The following ANKK1 variants were observed in gnomAD, a reference collection of about 807,000 sequenced individuals.
ANKK1 encodes ankyrin repeat and kinase domain containing 1.
In ANKK1, 37 loss-of-function variants were observed where a neutral mutation model predicts 37.6. That is an observed-to-expected ratio of 0.98 (90% confidence interval 0.76 to 1.29). ANKK1 has a LOEUF of 1.29. Among genes scored for constraint, ANKK1 ranks in the 50% most tolerant of loss-of-function variants. The probability of loss-of-function intolerance (pLI) is 0.00; values close to 1 mark genes in which losing one functional copy is unlikely to be tolerated. For missense variants in ANKK1, 1,019 were observed against 990.6 expected (o/e 1.03, Z -0.39); for synonymous variants, 415 against 418.7 (o/e 0.99, Z 0.11).
chr11:113,390,037 T>C (rs1186571314), intron 1 of ANKK1, among the ~76,000 whole-genome samples: 1 of 152,100 alleles, frequency 6.6e-6, no homozygotes, highest in Non-Finnish European at 1.5e-5. Flanking sequence ...CAAGCCATAT[T>C]TAGAAGGTAA....
rs758081480 is a variant in ANKK1 at position 113,393,823 on chromosome 11, T to C, written c.480+48T>C. 1.4e-5 allele frequency: 22 copies of C among 1,537,122 alleles called. No individual in the cohort carries two copies. In the Admixed American group the frequency reaches 3.9e-4, roughly 27 times the overall value. Reference sequence around the variant, plus strand: ...CGCTCCCTTTCACTTGAGGGTTGCCTCCAGGTGAGCAGAATTATCCACCTG... The same window carrying C: ...CGCTCCCTTTCACTTGAGGGTTGCCCCCAGGTGAGCAGAATTATCCACCTG... On this transcript the variant is annotated intron_variant, in intron 2 of 7. Transcript: ENST00000303941.
Position 113,399,884 on chromosome 11 carries a change from G to C in ANKK1, c.1915G>C (p.Glu639Gln). 1 of 1,613,356 alleles carries C rather than the reference G, an allele frequency of 6.2e-7. No homozygotes were observed. ...PLHLAARHGE[E>Q]AVVSALLQCG... is the part of the protein sequence containing the mutation. ...GCACCTAGCTGCACGCCACGGGGAG[G>C]AGGCGGTGGTGTCAGCACTGCTGCA... Residue 639 changes from glutamate to glutamine, a missense_variant, in exon 8 of 8, where the codon GAG becomes CAG. Physicochemically the swap from Glu to Gln is conservative, Grantham distance 29. Transcript: ENST00000303941.
In ANKK1 at chr11:113,393,789, C is replaced by G. The variant is rs11214596; in HGVS notation, c.480+14C>G. The G allele has an allele frequency of 0.48, 760,046 of 1,584,450 alleles. 196,418 individuals are homozygous for G. Among genetic ancestry groups the G allele is most frequent in the Non-Finnish European group, 0.54 (628,851 of 1,168,208 alleles). On this transcript the variant is annotated intron_variant, in intron 2 of 7. Coordinates refer to ENST00000303941, the MANE Select transcript of ANKK1 (RefSeq NM_178510.2). ...ATGCATGTCAAAGTAAGGGCTCTGG[C>G]CAATCCTCCGCTCCCTTTCACTTGA...
chr11:113,398,052 C>A, intron 7 of ANKK1, 36 bp downstream of exon 7: 1 of 1,559,448 alleles, frequency 6.4e-7, no homozygotes, highest in East Asian at 2.4e-5. Context: ...CCAGAGAACT[C>A]ACAGCAGAGA....
At chr11:113,394,620 C>T (rs1459963440) in intron 2 of ANKK1, 2 of 507,998 alleles carry the variant, frequency 3.9e-6, no homozygotes, top group Admixed American at 2.3e-5. Flanking sequence ...ACACCTACCA[C>T]ATCCTAACTA....
At chr11:113,398,888 G>A (rs1950661295) in intron 7 of ANKK1, 76 bp from the exon 8 acceptor site, 3 of 1,334,994 alleles carry the variant, frequency 2.2e-6, no homozygotes, top group Middle Eastern at 2.6e-4. Context: ...GTACTTCCAG[G>A]AGGCAGGGGG....
Position 113,400,385 on chromosome 11 carries a change from T to C in ANKK1, c.*118T>C. 1 of 1,070,428 alleles carries C rather than the reference T, an allele frequency of 9.3e-7. No homozygotes were observed. Among genetic ancestry groups the C allele is most frequent in the Non-Finnish European group, 1.3e-6 (1 of 767,394 alleles). The allele number at this position is 1,070,428 out of a possible 1,614,324, so 66.3% of individuals were successfully genotyped here. A position where few individuals can be genotyped will look rare whatever the true frequency, so the allele number is the denominator to read the frequency against. On this transcript the variant is annotated 3_prime_UTR_variant, in exon 8 of 8. Transcript: ENST00000303941. The stretch of plus-strand genomic sequence containing the variant: ...CAGCCTGGCCAACATGGCAAAACCC[T>C]GTCTCTGCTAAAAATACAAAATTTA...
intron 2 of ANKK1, 185 bp from the exon 3 acceptor site, chr11:113,394,744 T>C: frequency 1.3e-6 from 1 of 778,416 alleles, no homozygotes; most frequent in Non-Finnish European, 2.2e-6. Context: ...AAACTGAGGC[T>C]CTGAGAAGAT....
Position 113,399,262 on chromosome 11 carries a change from A to G in ANKK1, c.1293A>G (p.Pro431=). ...ANRVDEDGWA[P]LHFAAQNGDD... is the part of the protein sequence containing the mutation. ...GAGTGGATGAGGATGGCTGGGCCCCACTGCACTTTGCAGCCCAGAATGGGG... is the reference window on the plus strand; with the variant it reads ...GAGTGGATGAGGATGGCTGGGCCCCGCTGCACTTTGCAGCCCAGAATGGGG... Residue 431 remains proline (P), a synonymous_variant, in exon 8 of 8, where the codon CCA becomes CCG. Coordinates refer to ENST00000303941, the MANE Select transcript of ANKK1 (RefSeq NM_178510.2). The G allele has an allele frequency of 6.2e-7, 1 of 1,606,954 alleles. No individual in the cohort carries two copies.
chr11:113,397,990 ACAT>A lies in ANKK1; in HGVS notation c.971_973del (p.Ile324del). ...GTTATGCCTCCCCAGGTTAATGAGGACATCAGCCAGGAACTGATGGACAGTGGT... is the reference window on the plus strand; with the variant it reads ...GTTATGCCTCCCCAGGTTAATGAGGACAGCCAGGAACTGATGGACAGTGGT... On this transcript the variant is annotated inframe_deletion, in exon 7 of 8. Coordinates refer to ENST00000303941, the MANE Select transcript of ANKK1 (RefSeq NM_178510.2). The A allele has an allele frequency of 3.8e-6, 6 of 1,563,130 alleles. No individual in the cohort carries two copies. The highest frequency in any genetic ancestry group is 5.2e-6 in the Non-Finnish European group (6 of 1,153,228).
chr11:113,391,472 T>G (rs1341127848), intron 1 of ANKK1, among the ~76,000 whole-genome samples: 1 of 152,070 alleles, frequency 6.6e-6, no homozygotes, highest in Non-Finnish European at 1.5e-5. Context: ...ATTAGGAGGC[T>G]TGGGCTGAGA....
intron 7 of ANKK1, 41 bp from the exon 8 acceptor site, chr11:113,398,923 G>A: frequency 6.6e-7 from 1 of 1,522,432 alleles, no homozygotes; most frequent in Non-Finnish European, 8.8e-7. Context: ...CTCTGGACGG[G>A]TCACAGGTCT....
intron 7 of ANKK1, 35 bp downstream of exon 7, chr11:113,398,051 T>A: frequency 1.3e-6 from 2 of 1,559,708 alleles, no homozygotes; most frequent in South Asian, 1.2e-5. Flanking sequence ...ACCAGAGAAC[T>A]CACAGCAGAG....
rs955732594 is a variant in ANKK1 at position 113,387,797 on chromosome 11, C to A, written c.-88C>A. The A allele has an allele frequency of 1.4e-5, 20 of 1,393,590 alleles. No homozygotes were observed. The East Asian group carries it at 4.2e-4, about 29-fold the overall frequency. The allele number at this position is 1,393,590 out of a possible 1,614,324, so 86.3% of individuals were successfully genotyped here. On this transcript the variant is annotated 5_prime_UTR_variant, in exon 1 of 8. Transcript: ENST00000303941. ...TCTCCCCATTCCCCTCTCCCGGACC[C>A]GAGGAGCAGGAAGCGGCGGCTCCTT...
intron 2 of ANKK1, among the ~76,000 whole-genome samples, chr11:113,394,564 A>T (rs1950621085): frequency 6.6e-6 from 1 of 152,220 alleles, no homozygotes; most frequent in African/African-American, 2.4e-5. Flanking sequence ...GGTGCAATGA[A>T]TAGCTTACCG....
chr11:113,395,964 T>C, intron 4 of ANKK1, 103 bp from the exon 5 acceptor site: 3 of 1,363,468 alleles, frequency 2.2e-6, no homozygotes, highest in Non-Finnish European at 3.0e-6. Flanking sequence ...GAGCCCCCAC[T>C]GCGTGCATGC....
rs981059670 is a variant in ANKK1, at chr11:113,393,474, T to A, written c.186-7T>A. 1 of 1,606,016 alleles carries A rather than the reference T, an allele frequency of 6.2e-7. No homozygotes were observed. Among genetic ancestry groups the A allele is most frequent in the Non-Finnish European group, 8.5e-7 (1 of 1,174,634 alleles). On this transcript the variant is annotated splice_region_variant and splice_polypyrimidine_tract_variant and intron_variant, in intron 1 of 7. Transcript: ENST00000303941. Reference sequence around the variant, plus strand: ...CCCCTTCCATATCTTGCTCCCCCTCTCCATAGCTCTGATGTGAATTACCTC... The same window carrying A: ...CCCCTTCCATATCTTGCTCCCCCTCACCATAGCTCTGATGTGAATTACCTC...
chr11:113,394,828 T>C, intron 2 of ANKK1, 101 bp from the exon 3 acceptor site: 1 of 1,500,664 alleles, frequency 6.7e-7, no homozygotes. Flanking sequence ...ACCACTACTC[T>C]ACCCTGGAAC....
At chr11:113,396,305 T>C in intron 5 of ANKK1, 83 bp downstream of exon 5, 2 of 1,522,752 alleles carry the variant, frequency 1.3e-6, no homozygotes, top group Non-Finnish European at 1.8e-6. Flanking sequence ...CTGGGAGCTA[T>C]GCAGAGAGAC....
Sources: allele counts gnomAD v4.1 joint callset (sites outside exome capture counted in the v4.1 genomes callset), GRCh38; gene constraint gnomAD v4.1.1; transcripts MANE v1.5; gene names NCBI Gene and HGNC (gene_info 2026-07-23, HGNC 2026-07-21).